AKAP9: variants seen among roughly 807,000 people sequenced by gnomAD.
AKAP9 encodes the protein A-kinase anchor protein 9.
AKAP9 carries 311 observed loss-of-function variants against 488.5 expected under a neutral mutation model. The observed-to-expected ratio is 0.64, with a 90% CI of 0.58 to 0.70. The LOEUF (loss-of-function observed/expected upper bound fraction) is 0.70. Among genes scored for constraint, AKAP9 ranks in the 30% least tolerant of loss-of-function variants. The probability of loss-of-function intolerance (pLI) is 0.00; values close to 1 mark genes in which losing one functional copy is unlikely to be tolerated. For missense variants in AKAP9, 4,215 were observed against 4,374.5 expected, an observed-to-expected ratio of 0.96 and a Z score of 1.03; for synonymous variants, 1,462 against 1,483.5, an observed-to-expected ratio of 0.99 and a Z score of 0.33.
intron 1 of AKAP9, among the ~76,000 whole-genome samples, chr7:91,954,339 C>T (rs1792668928): frequency 6.6e-6 from 1 of 152,178 alleles, no homozygotes; most frequent in Admixed American, 6.5e-5. Context: ...GGCTGGAGTG[C>T]AGTGGCATGA....
At chr7:91,943,668 C>T (rs1791075608) in intron 1 of AKAP9, among the ~76,000 whole-genome samples, 1 of 152,150 alleles carries the variant, frequency 6.6e-6, no homozygotes, top group Admixed American at 6.6e-5. Flanking sequence ...GATATTAATG[C>T]ACCATAATAT....
At chr7:92,058,612 T>C (rs529183189) in intron 22 of AKAP9, among the ~76,000 whole-genome samples, 10 of 152,180 alleles carry the variant, frequency 6.6e-5, no homozygotes, top group Admixed American at 2.6e-4. Flanking sequence ...TGAGATAATA[T>C]TACATTTCTC....
At chr7:92,016,013 T>C (rs1482235959) in intron 10 of AKAP9, 116 bp from the exon 11 acceptor site, 26 of 773,982 alleles carry the variant, frequency 3.4e-5, no homozygotes, top group Middle Eastern at 5.1e-4. Flanking sequence ...GAATGTTTTC[T>C]TAATTATTTT....
intron 15 of AKAP9, among the ~76,000 whole-genome samples, chr7:92,030,656 A>G (rs1356558802): frequency 6.6e-6 from 1 of 151,936 alleles, no homozygotes; most frequent in Admixed American, 6.6e-5. Flanking sequence ...AAAAAAAAAA[A>G]AGGGTTTAGG....
In AKAP9 at chr7:92,000,842, C is replaced by T; in HGVS notation, c.931-6C>T. Reference sequence around the variant, plus strand: ...CATTCTTACATTTTCATTTTTTTTCCTAAAGGAACAAGATAAAAAAGTAGA... The same window carrying T: ...CATTCTTACATTTTCATTTTTTTTCTTAAAGGAACAAGATAAAAAAGTAGA... On this transcript the variant is annotated splice_polypyrimidine_tract_variant and splice_region_variant and intron_variant, in intron 7 of 49. Coordinates refer to ENST00000356239, the MANE Select transcript of AKAP9 (RefSeq NM_005751.5). 1 of 1,338,710 alleles carries T rather than the reference C, an allele frequency of 7.5e-7. No homozygotes were observed. The highest frequency in any genetic ancestry group is 1.0e-6 in the Non-Finnish European group (1 of 992,580). The allele number at this position is 1,338,710 out of a possible 1,614,324, so 82.9% of individuals were successfully genotyped here. A position where few individuals can be genotyped will look rare whatever the true frequency, so the allele number is the denominator to read the frequency against.
At chr7:92,083,095 A>C (rs1324031311) in intron 32 of AKAP9, 75 bp from the exon 33 acceptor site, 2 of 1,543,566 alleles carry the variant, frequency 1.3e-6, no homozygotes, top group Non-Finnish European at 1.8e-6. Context: ...CATTCCTCCC[A>C]CACCCTTTAA....
At position 92,002,718 on chromosome 7, in the gene AKAP9, T is replaced by C. The variant is rs750000254; in HGVS notation, c.2801T>C (p.Val934Ala). 1.2e-6 allele frequency: 2 copies of C among 1,613,604 alleles called. No individual in the cohort carries two copies. Among genetic ancestry groups the C allele is most frequent in the Middle Eastern group, 1.7e-4 (1 of 6,058 alleles). ...VAETLEMGEV[V>A]EKDTTELMEK... ...GAAACATTGGAAATGGGTGAGGTTGTTGAAAAGGATACAACAGAACTCATG... is the reference window on the plus strand; with the variant it reads ...GAAACATTGGAAATGGGTGAGGTTGCTGAAAAGGATACAACAGAACTCATG... Residue 934 changes from valine (V) to alanine (A), a missense_variant, in exon 8 of 50, where the codon GTT becomes GCT. Val to Ala is a moderately conservative substitution (Grantham distance 64). Around this residue, in one of 5 missense-constraint regions of AKAP9, gnomAD observed 2,361 missense variants for 2,430.0 expected, o/e 0.97. Transcript: ENST00000356239.
At chr7:92,061,116 G>A in intron 22 of AKAP9, 144 bp from the exon 23 acceptor site, 2 of 928,158 alleles carry the variant, frequency 2.2e-6, no homozygotes, top group Non-Finnish European at 3.3e-6. Context: ...GCTAATCTTA[G>A]CATACACTGG....
rs1364947640 is a variant in AKAP9 at position 92,084,685 on chromosome 7, A to G, written c.8692A>G (p.Arg2898Gly). Reference protein sequence around the residue: ...ELAHSDAYQTREICSSDSGSD... With the variant: ...ELAHSDAYQTGEICSSDSGSD... ...AGCACATTCTGATGCTTACCAGACT[A>G]GAGAAATATGCTCCAGTGGTAAGTT... Residue 2898 changes from arginine (R) to glycine (G), a missense_variant, in exon 34 of 50, where the codon AGA (arginine) becomes GGA (glycine). Arg to Gly is a moderately radical substitution (Grantham distance 125). Coordinates refer to ENST00000356239, the MANE Select transcript of AKAP9 (RefSeq NM_005751.5). The G allele has an allele frequency of 6.2e-7, 1 of 1,610,080 alleles. No individual in the cohort carries two copies.
At chr7:92,011,651 A>G (rs1264610208) in intron 8 of AKAP9, among the ~76,000 whole-genome samples, 5 of 152,244 alleles carry the variant, frequency 3.3e-5, no homozygotes, top group Admixed American at 6.5e-5. Flanking sequence ...AGGATGGACA[A>G]TTAGGTCAGT....
intron 1 of AKAP9, among the ~76,000 whole-genome samples, chr7:91,947,157 GGTGTGTGTGTGTGTGTGCGTGTGT>G (rs1011765172): frequency 1.7e-5 from 2 of 120,798 alleles, no homozygotes; most frequent in Non-Finnish European, 1.8e-5. Flanking sequence ...TGGTGTCTGG[GGTGTGTGTGTGTGTGTGCGTGTGT>G]GTGTGTGTGT....
At chr7:92,023,688 A>C (rs2130734119) in intron 14 of AKAP9, among the ~76,000 whole-genome samples, 1 of 152,300 alleles carries the variant, frequency 6.6e-6, no homozygotes, top group African/African-American at 2.4e-5. Context: ...TTGCTTTTAA[A>C]ATTTAAAATA....
chr7:92,025,856 T>G (rs1295408307), intron 14 of AKAP9, among the ~76,000 whole-genome samples: 1 of 152,240 alleles, frequency 6.6e-6, no homozygotes, highest in Non-Finnish European at 1.5e-5. Flanking sequence ...GGCTGTTTCC[T>G]TCCAGGGACT....
chr7:91,986,437 G>T (rs1164181628), intron 3 of AKAP9, among the ~76,000 whole-genome samples: 1 of 152,214 alleles, frequency 6.6e-6, no homozygotes, highest in Non-Finnish European at 1.5e-5. Flanking sequence ...GATGAACCAG[G>T]TACCTCAGTT....
intron 24 of AKAP9, among the ~76,000 whole-genome samples, chr7:92,064,194 G>T (rs1446000050): frequency 1.3e-5 from 2 of 151,988 alleles, no homozygotes; most frequent in African/African-American, 4.8e-5. Flanking sequence ...GTAGCAAAAG[G>T]ATCAGTGAAA....
chr7:92,041,998 T>C, intron 18 of AKAP9, 48 bp from the exon 19 acceptor site: 1 of 1,601,312 alleles, frequency 6.2e-7, no homozygotes. Flanking sequence ...TTCTACCCTT[T>C]TTCTCTATCA....
At chr7:92,096,362 T>C (rs1816574459) in intron 40 of AKAP9, among the ~76,000 whole-genome samples, 1 of 145,476 alleles carries the variant, frequency 6.9e-6, no homozygotes, top group African/African-American at 2.7e-5. Context: ...GAGTCAAAAG[T>C]CTCACTCTGT....
In AKAP9 at chr7:91,956,328, G is replaced by T. The variant is rs1197587508; in HGVS notation, c.48+15181G>T. 2.0e-5 allele frequency among the ~76,000 whole-genome samples: 3 copies of T among 151,006 alleles called. No homozygotes were observed. In the East Asian group the frequency reaches 5.9e-4, roughly 29 times the overall value. On this transcript the variant is annotated intron_variant, in intron 1 of 49. Coordinates refer to ENST00000356239, the MANE Select transcript of AKAP9 (RefSeq NM_005751.5). ...GGCAGGAGAATGGCGTGGACCCGGGGGGCAGAACTTGCAATGGGCCGAGAT... is the reference window on the plus strand; with the variant it reads ...GGCAGGAGAATGGCGTGGACCCGGGTGGCAGAACTTGCAATGGGCCGAGAT...
chr7:92,002,604 T>C lies in AKAP9; in HGVS notation c.2687T>C (p.Leu896Pro). The change falls in exon 8 of 50, where the codon CTT (leucine) becomes CCT (proline). Residue 896 changes from leucine (L) to proline (P), a missense_variant. Physicochemically the swap from Leu to Pro is moderately conservative, Grantham distance 98. Transcript: ENST00000356239. ...ELEYKSKLKA[L>P]NEELHLQRIN... ...GAGTATAAAAGTAAACTTAAAGCAC[T>C]TAATGAAGAGCTTCATTTGCAAAGA... 6.2e-7 allele frequency: 1 copy of C among 1,611,170 alleles called. No individual in the cohort carries two copies. The highest frequency in any genetic ancestry group is 8.5e-7 in the Non-Finnish European group (1 of 1,178,462).
Sources: allele counts gnomAD v4.1 joint callset (sites outside exome capture counted in the v4.1 genomes callset), GRCh38; gene constraint gnomAD v4.1.1; regional missense constraint gnomAD v4.1.1; transcripts MANE v1.5; gene names NCBI Gene and HGNC (gene_info 2026-07-23, HGNC 2026-07-21).